GSE1: variants seen among roughly 807,000 people sequenced by gnomAD.
GSE1 encodes Gse1 coiled-coil protein.
A neutral mutation model predicts 112.6 loss-of-function variants in GSE1; 32 were observed. The ratio of observed to expected loss-of-function variants is 0.28; its 90% confidence interval spans 0.21 to 0.38. The LOEUF (loss-of-function observed/expected upper bound fraction) is 0.38, where lower values mean the gene tolerates loss of function less well. GSE1 is among the 10% of genes least tolerant of loss of function. The pLI is 1.00. For synonymous variants in GSE1, 1,115 were observed against 735.6 expected (o/e 1.52, Z -8.35); for missense variants, 2,348 against 1,699.2 (o/e 1.38, Z -6.71).
At position 85,605,003 on chromosome 16, in the gene GSE1, G is replaced by A. The variant is rs139272259; in HGVS notation, c.38-43549G>A. ...CGGCTAGTTTTTTGTATTTTTAGTA[G>A]AGATGGGGTTTCACCGTGTTAGCCA... is the stretch of plus-strand genomic sequence containing the variant. On this transcript the variant is annotated intron_variant, in intron 1 of 2. Coordinates refer to the GSE1 transcript ENST00000635906. Among the ~76,000 whole-genome samples the A allele has an allele frequency of 1.8e-3, 259 of 146,366 alleles. 4 individuals are homozygous for A. Among genetic ancestry groups the A allele is most frequent in the African/African-American group, 6.2e-3 (240 of 38,876 alleles).
intron 1 of GSE1, among the ~76,000 whole-genome samples, chr16:85,216,557 A>G (rs1427910506): frequency 6.6e-6 from 1 of 152,224 alleles, no homozygotes; most frequent in African/African-American, 2.4e-5. Context: ...CGTGTCAGGA[A>G]CACAAACTGA....
intron 1 of GSE1, among the ~76,000 whole-genome samples, chr16:85,224,845 A>T (rs2075456158): frequency 6.7e-6 from 1 of 150,230 alleles, no homozygotes. Context: ...AAAAAAAAAA[A>T]AAAATTAGCC....
At chr16:85,516,492 T>G (rs2051943737) in intron 2 of GSE1, among the ~76,000 whole-genome samples, 1 of 143,916 alleles carries the variant, frequency 6.9e-6, no homozygotes, top group African/African-American at 2.6e-5. Flanking sequence ...TAGCCAGGCT[T>G]GGAGGATCTC....
chr16:85,655,627 T>C, intron 5 of GSE1, 99 bp from the exon 6 acceptor site: 2 of 713,100 alleles, frequency 2.8e-6, no homozygotes, highest in Admixed American at 2.6e-5. Flanking sequence ...TTCCCCACGC[T>C]CAGGCAGGTG....
intron 1 of GSE1, among the ~76,000 whole-genome samples, chr16:85,226,175 C>T (rs1182888282): frequency 6.6e-6 from 1 of 152,158 alleles, no homozygotes; most frequent in Non-Finnish European, 1.5e-5. Flanking sequence ...GTCAGAGGAT[C>T]CATGGACATG....
At chr16:85,198,612 C>T (rs1468357321) in intron 1 of GSE1, among the ~76,000 whole-genome samples, 1 of 151,932 alleles carries the variant, frequency 6.6e-6, no homozygotes, top group East Asian at 1.9e-4. Context: ...GCCGTCTTCC[C>T]TGGACAGTGC....
chr16:85,640,812 G>A (rs1016701605), intron 2 of GSE1, among the ~76,000 whole-genome samples: 10 of 152,250 alleles, frequency 6.6e-5, no homozygotes, highest in Admixed American at 2.6e-4. Context: ...CGGCGGCGGC[G>A]GCTCTGCAGG....
intron 2 of GSE1, among the ~76,000 whole-genome samples, chr16:85,397,653 G>A (rs967493599): frequency 6.6e-6 from 1 of 152,240 alleles, no homozygotes; most frequent in Non-Finnish European, 1.5e-5. Flanking sequence ...GCACCAGGGT[G>A]CGGGAGGCAC....
At chr16:85,553,835 G>T (rs117585278), upstream of GSE1, among the ~76,000 whole-genome samples, 1 of 152,314 alleles carries the variant, frequency 6.6e-6, no homozygotes, top group East Asian at 1.9e-4. Flanking sequence ...CTAGGGTATC[G>T]TATTCCGGGA....
In GSE1 at chr16:85,408,820, C is replaced by CT. The variant is rs756908329; in HGVS notation, c.2464+51177_2464+51178insT. Among the ~76,000 whole-genome samples the CT allele has an allele frequency of 2.5e-3, 135 of 54,446 alleles. 1 individual carries two copies. Among genetic ancestry groups the CT allele is most frequent in the Non-Finnish European group, 3.5e-3 (95 of 27,288 alleles). The allele number at this position is 54,446 out of a possible 152,430, so 35.7% of individuals were successfully genotyped here. On this transcript the variant is annotated intron_variant, in intron 2 of 2. Coordinates refer to the GSE1 transcript ENST00000637419. ...CCTCACCGTTGCACTCAGGGCCCCC[C>CT]GGATAATCCTCACTGTTACACTCAG... is the stretch of plus-strand genomic sequence containing the variant.
chr16:85,471,803 G>T (rs754208071), intron 2 of GSE1, among the ~76,000 whole-genome samples: 1 of 151,920 alleles, frequency 6.6e-6, no homozygotes, highest in Non-Finnish European at 1.5e-5. Flanking sequence ...TTGAACTCCT[G>T]GGGCCCCAAT....
Position 85,661,362 on chromosome 16 carries a change from C to A in GSE1, c.1857C>A (p.Ala619=), listed in dbSNP as rs116863796. 6.2e-7 allele frequency: 1 copy of A among 1,612,238 alleles called. No homozygotes were observed. The highest frequency in any genetic ancestry group is 8.5e-7 in the Non-Finnish European group (1 of 1,179,650). The change falls in exon 9 of 16, where the codon GCC becomes GCA. Residue 619 remains alanine (A), a synonymous_variant. Transcript: ENST00000253458. The part of the protein sequence containing the change: ...PAAFEPSRQA[A]VPLVKVERVF... Reference sequence around the variant, plus strand: ...CATTTGAGCCCAGCCGCCAGGCAGCCGTGCCGCTGGTGAAGGTGGAGCGGG... The same window carrying A: ...CATTTGAGCCCAGCCGCCAGGCAGCAGTGCCGCTGGTGAAGGTGGAGCGGG...
chr16:85,235,396 G>T (rs1334221821), intron 1 of GSE1, among the ~76,000 whole-genome samples: 1 of 150,930 alleles, frequency 6.6e-6, no homozygotes, highest in African/African-American at 2.4e-5. Context: ...GACCGCAGCG[G>T]GGGGTGGGGT....
chr16:85,350,217 G>T (rs892844580), intron 1 of GSE1, among the ~76,000 whole-genome samples: 6 of 152,236 alleles, frequency 3.9e-5, no homozygotes, highest in Non-Finnish European at 7.3e-5. Flanking sequence ...GAGAGCCAGA[G>T]CAGTTGTGGC....
chr16:85,629,536 C>G (rs532982473), intron 1 of GSE1, among the ~76,000 whole-genome samples: 83 of 152,370 alleles, frequency 5.4e-4, no homozygotes, highest in African/African-American at 2.0e-3. Context: ...TGGGCCCTGG[C>G]TGGCTTGTCA....
At chr16:85,560,539 G>A (rs2045470252) in intron 1 of GSE1, among the ~76,000 whole-genome samples, 1 of 152,174 alleles carries the variant, frequency 6.6e-6, no homozygotes, top group Non-Finnish European at 1.5e-5. Flanking sequence ...GGAAATGGTA[G>A]CCGTGAGGGG....
At chr16:85,271,920 A>G (rs2144186523) in intron 1 of GSE1, among the ~76,000 whole-genome samples, 2 of 152,330 alleles carry the variant, frequency 1.3e-5, no homozygotes, top group South Asian at 4.1e-4. Flanking sequence ...AGGGCACCTC[A>G]GGAGTGCCTT....
At chr16:85,229,327 C>G (rs1401472837) in intron 1 of GSE1, among the ~76,000 whole-genome samples, 2 of 152,232 alleles carry the variant, frequency 1.3e-5, no homozygotes, top group African/African-American at 4.8e-5. Context: ...TGAGAGTCAG[C>G]TCCACCTGTG....
At chr16:85,186,650 TG>T (rs1202277422) in intron 1 of GSE1, among the ~76,000 whole-genome samples, 1 of 150,460 alleles carries the variant, frequency 6.6e-6, no homozygotes, top group Non-Finnish European at 1.5e-5. Flanking sequence ...CGCATGTCTG[TG>T]GTCCCAGCTA....
Sources: gnomAD v4.1 joint callset for allele counts (sites outside exome capture counted in the v4.1 genomes callset) on GRCh38, gnomAD v4.1.1 for gene constraint, MANE v1.5 for transcripts, NCBI Gene and HGNC (gene_info 2026-07-23, HGNC 2026-07-21) for gene names.